Variants in EXT1 observed in about 807,000 individuals in gnomAD.
The protein encoded by EXT1 is exostosin-1.
In EXT1, 20 loss-of-function variants were observed where a neutral mutation model predicts 82.5. That is an observed-to-expected ratio of 0.24 (90% CI 0.17 to 0.35). The LOEUF (loss-of-function observed/expected upper bound fraction) is 0.35. Among genes scored for constraint, EXT1 ranks in the 10% least tolerant of loss-of-function variants. The pLI, the probability that EXT1 is intolerant of heterozygous loss-of-function variation, is 1.00. For synonymous variants in EXT1, 348 were observed against 350.8 expected, an observed-to-expected ratio of 0.99 and a Z score of 0.09; for missense variants, 757 against 936.5, an observed-to-expected ratio of 0.81 and a Z score of 2.50.
chr8:117,917,196 G>T (rs189528897), intron 1 of EXT1, among the ~76,000 whole-genome samples: 2 of 152,230 alleles, frequency 1.3e-5, no homozygotes, highest in Admixed American at 1.3e-4. Flanking sequence ...CATCCTGGCT[G>T]GGCGCTGTGG....
At chr8:117,849,688 C>T (rs549312037) in intron 1 of EXT1, among the ~76,000 whole-genome samples, 10 of 152,274 alleles carry the variant, frequency 6.6e-5, no homozygotes, top group African/African-American at 2.2e-4. Context: ...TCTTAAAGAA[C>T]ATCTTTAGAG....
chr8:118,013,878 T>C (rs1251422618), intron 1 of EXT1, among the ~76,000 whole-genome samples: 1 of 152,236 alleles, frequency 6.6e-6, no homozygotes, highest in Admixed American at 6.5e-5. Context: ...CTGGCAACTC[T>C]TGTCATGTAA....
At chr8:118,022,932 T>G (rs1451393622) in intron 1 of EXT1, among the ~76,000 whole-genome samples, 1 of 152,188 alleles carries the variant, frequency 6.6e-6, no homozygotes, top group African/African-American at 2.4e-5. Flanking sequence ...TTTTAATATG[T>G]GATAACTTTA....
intron 9 of EXT1, among the ~76,000 whole-genome samples, chr8:117,806,605 T>C (rs1823241813): frequency 6.6e-6 from 1 of 152,226 alleles, no homozygotes; most frequent in Non-Finnish European, 1.5e-5. Flanking sequence ...TTATTCTCGC[T>C]GTTCTCCTGC....
chr8:117,844,575 T>C (rs1812323596), intron 1 of EXT1, among the ~76,000 whole-genome samples: 1 of 152,098 alleles, frequency 6.6e-6, no homozygotes, highest in African/African-American at 2.4e-5. Context: ...AGCTGGAAAA[T>C]GGGTCCAACT....
chr8:118,107,304 A>T (rs1454312455), intron 1 of EXT1, among the ~76,000 whole-genome samples: 1 of 152,116 alleles, frequency 6.6e-6, no homozygotes, highest in Admixed American at 6.5e-5. Context: ...TCCCATGGAC[A>T]CTTGCTAATA....
intron 1 of EXT1, among the ~76,000 whole-genome samples, chr8:118,083,491 T>C (rs1353598844): frequency 6.6e-6 from 1 of 152,142 alleles, no homozygotes; most frequent in Non-Finnish European, 1.5e-5. Flanking sequence ...ATATTCTGAA[T>C]ATAAAGAATT....
chr8:117,910,011 ACC>A, intron 1 of EXT1, among the ~76,000 whole-genome samples: 1 of 152,230 alleles, frequency 6.6e-6, no homozygotes, highest in South Asian at 2.1e-4. Flanking sequence ...CAAGTGGTCC[ACC>A]CGTGCCGGCC....
chr8:117,841,749 C>T (rs1359732332), intron 1 of EXT1, among the ~76,000 whole-genome samples: 1 of 151,088 alleles, frequency 6.6e-6, no homozygotes, highest in African/African-American at 2.5e-5. Flanking sequence ...GACACTAGTA[C>T]CACTCTATGG....
At chr8:117,885,494 C>CAA (rs11300586) in intron 1 of EXT1, among the ~76,000 whole-genome samples, 53 of 103,314 alleles carry the variant, frequency 5.1e-4, no homozygotes, top group South Asian at 6.7e-4. Flanking sequence ...AAGTAACAGA[C>CAA]AAAAAAAAAA....
intron 1 of EXT1, among the ~76,000 whole-genome samples, chr8:117,976,081 C>T (rs983814264): frequency 3.3e-5 from 5 of 152,182 alleles, no homozygotes; most frequent in Non-Finnish European, 7.4e-5. Context: ...AATCATTTAT[C>T]TCAGAATAAA....
At chr8:118,002,090 T>C (rs1337867665) in intron 1 of EXT1, among the ~76,000 whole-genome samples, 1 of 152,164 alleles carries the variant, frequency 6.6e-6, no homozygotes, top group Non-Finnish European at 1.5e-5. Flanking sequence ...GCTGAGAAGA[T>C]AGGAAAGTTT....
At chr8:117,846,024 AAG>A (rs996733210) in intron 1 of EXT1, among the ~76,000 whole-genome samples, 3 of 152,208 alleles carry the variant, frequency 2.0e-5, no homozygotes, top group Admixed American at 2.0e-4. Context: ...AGGTGAAAAT[AAG>A]AGACATTTAA....
intron 1 of EXT1, among the ~76,000 whole-genome samples, chr8:117,902,253 C>T (rs772962214): frequency 4.0e-5 from 6 of 148,492 alleles, no homozygotes; most frequent in Non-Finnish European, 7.4e-5. Flanking sequence ...TTACAGGTAA[C>T]TTAAAAAAAA....
chr8:117,805,999 G>A (rs1443387914), intron 9 of EXT1, among the ~76,000 whole-genome samples: 1 of 152,022 alleles, frequency 6.6e-6, no homozygotes, highest in African/African-American at 2.4e-5. Context: ...CATCTCTGTT[G>A]ATCAGCCCTC....
intron 1 of EXT1, among the ~76,000 whole-genome samples, chr8:118,090,176 C>T (rs185355166): frequency 2.0e-5 from 3 of 152,306 alleles, no homozygotes; most frequent in Admixed American, 6.5e-5. Flanking sequence ...AACCCCAACA[C>T]TTTGGGATGC....
At chr8:117,918,731 G>A (rs1291034099) in intron 1 of EXT1, among the ~76,000 whole-genome samples, 1 of 152,194 alleles carries the variant, frequency 6.6e-6, no homozygotes, top group Non-Finnish European at 1.5e-5. Context: ...CCAGCCGAAT[G>A]CAGCCACAGG....
rs188165956 is a variant in EXT1 at position 117,863,054 on chromosome 8, G to A, written c.963-25853C>T. ...GTATTTGACTAACAGGGCAGTGGGC[G>A]TTGTTAGCTTTGATGCATACTCATG... On this transcript the variant is annotated intron_variant, in intron 1 of 10. Coordinates refer to ENST00000378204, the MANE Select transcript of EXT1 (RefSeq NM_000127.3). 5.1e-3 allele frequency among the ~76,000 whole-genome samples: 780 copies of A among 152,256 alleles called. 3 individuals carry two copies. Among genetic ancestry groups the A allele is most frequent in the Non-Finnish European group, 8.8e-3 (601 of 68,020 alleles).
At chr8:117,905,628 C>T (rs1187634075) in intron 1 of EXT1, among the ~76,000 whole-genome samples, 8 of 151,974 alleles carry the variant, frequency 5.3e-5, no homozygotes, top group Non-Finnish European at 1.0e-4. Context: ...CTGGCTAACA[C>T]GGTGAAAGCC....
Sources: gnomAD v4.1 joint callset for allele counts (sites outside exome capture counted in the v4.1 genomes callset) on GRCh38, gnomAD v4.1.1 for gene constraint, MANE v1.5 for transcripts, NCBI Gene and HGNC (gene_info 2026-07-23, HGNC 2026-07-21) for gene names.